STXBP5L: variants seen among roughly 807,000 people sequenced by gnomAD.
STXBP5L encodes syntaxin binding protein 5L.
In STXBP5L, 65 loss-of-function variants were observed where a neutral mutation model predicts 144.5. The observed-to-expected ratio is 0.45, with a 90% CI of 0.37 to 0.55. The LOEUF is 0.55. Among genes scored for constraint, STXBP5L ranks in the 20% least tolerant of loss-of-function variants. STXBP5L has a pLI of 0.00. For missense variants in STXBP5L, 1,298 were observed against 1,405.5 expected, an observed-to-expected ratio of 0.92 and a Z score of 1.22; for synonymous variants, 505 against 469.6, an observed-to-expected ratio of 1.08 and a Z score of -0.97.
intron 3 of STXBP5L, among the ~76,000 whole-genome samples, chr3:121,025,431 T>A (rs914991438): frequency 6.6e-6 from 1 of 152,218 alleles, no homozygotes; most frequent in East Asian, 1.9e-4. Flanking sequence ...ATAAATATTA[T>A]AATGCAAATA....
intron 5 of STXBP5L, among the ~76,000 whole-genome samples, chr3:121,079,933 C>CAAT (rs1390147409): frequency 1.3e-5 from 2 of 152,118 alleles, no homozygotes; most frequent in Non-Finnish European, 2.9e-5. Context: ...TGAAGTGCCC[C>CAAT]ACTATTATTG....
intron 9 of STXBP5L, among the ~76,000 whole-genome samples, chr3:121,197,047 CCT>C (rs1318296067): frequency 6.6e-6 from 1 of 151,866 alleles, no homozygotes; most frequent in African/African-American, 2.4e-5. Flanking sequence ...TATAAATTTT[CCT>C]CTCAGCATTG....
intron 9 of STXBP5L, among the ~76,000 whole-genome samples, chr3:121,200,167 A>T (rs2048084643): frequency 6.6e-6 from 1 of 152,136 alleles, no homozygotes; most frequent in Admixed American, 6.5e-5. Context: ...AGAGCTTGTT[A>T]TTGGTACATT....
chr3:121,358,442 A>T (rs1263295602), intron 20 of STXBP5L, among the ~76,000 whole-genome samples: 2 of 152,174 alleles, frequency 1.3e-5, no homozygotes. Context: ...GAAGCGAGGC[A>T]TGTCTTCTCA....
chr3:121,013,970 G>GC, intron 3 of STXBP5L, among the ~76,000 whole-genome samples: 3 of 151,996 alleles, frequency 2.0e-5, no homozygotes, highest in Admixed American at 2.0e-4. Context: ...TTATTTCTGG[G>GC]CTCTCTCTTC....
intron 11 of STXBP5L, among the ~76,000 whole-genome samples, chr3:121,224,081 G>A (rs1039760796): frequency 2.0e-5 from 3 of 152,100 alleles, no homozygotes; most frequent in Non-Finnish European, 4.4e-5. Context: ...AAGAGAAAGA[G>A]CACTGGACTT....
At chr3:121,199,802 T>G (rs567551345) in intron 9 of STXBP5L, among the ~76,000 whole-genome samples, 1 of 152,172 alleles carries the variant, frequency 6.6e-6, no homozygotes, top group Non-Finnish European at 1.5e-5. Context: ...CTTGTGTATG[T>G]TGAGCTAGCC....
chr3:121,004,880 C>G (rs1036926834), intron 3 of STXBP5L, among the ~76,000 whole-genome samples: 1 of 152,146 alleles, frequency 6.6e-6, no homozygotes, highest in African/African-American at 2.4e-5. Flanking sequence ...TTGAACCAGC[C>G]TTGCATCCCA....
intron 2 of STXBP5L, among the ~76,000 whole-genome samples, chr3:120,916,150 T>G (rs1709090136): frequency 6.6e-6 from 1 of 152,174 alleles, no homozygotes; most frequent in Non-Finnish European, 1.5e-5. Context: ...TGAGTTTTAT[T>G]GGAAGCCCAA....
At chr3:121,371,906 G>T (rs1012200894) in intron 20 of STXBP5L, among the ~76,000 whole-genome samples, 1 of 152,232 alleles carries the variant, frequency 6.6e-6, no homozygotes, top group Non-Finnish European at 1.5e-5. Flanking sequence ...GCTGGGAGAA[G>T]TGGGACAAGG....
chr3:121,043,313 G>T (rs1021293421), intron 4 of STXBP5L, among the ~76,000 whole-genome samples: 1 of 152,058 alleles, frequency 6.6e-6, no homozygotes. Flanking sequence ...AGACACTGTG[G>T]TGTTCTGCTT....
At chr3:121,125,530 A>G (rs932859016) in intron 7 of STXBP5L, among the ~76,000 whole-genome samples, 1 of 152,118 alleles carries the variant, frequency 6.6e-6, no homozygotes, top group Middle Eastern at 3.4e-3. Flanking sequence ...CCCCCAATAT[A>G]TCATTTATAA....
At chr3:121,010,434 T>C (rs1257127782) in intron 3 of STXBP5L, among the ~76,000 whole-genome samples, 1 of 151,740 alleles carries the variant, frequency 6.6e-6, no homozygotes. Flanking sequence ...TATTCCAGAA[T>C]TCTGTTTTTT....
intron 5 of STXBP5L, among the ~76,000 whole-genome samples, chr3:121,048,688 C>CT (rs11444329): frequency 0.32 from 44,532 of 141,004 alleles, 6,992 homozygotes; most frequent in Admixed American, 0.43. Context: ...CAGTTAGAGT[C>CT]TTTTTTTTTT....
intron 20 of STXBP5L, among the ~76,000 whole-genome samples, chr3:121,371,712 T>A (rs901244690): frequency 6.6e-6 from 1 of 152,076 alleles, no homozygotes; most frequent in Non-Finnish European, 1.5e-5. Context: ...CACCGGTGGG[T>A]GCTGTGTGTG....
chr3:121,234,272 G>A (rs948491804), intron 12 of STXBP5L, among the ~76,000 whole-genome samples: 4 of 151,622 alleles, frequency 2.6e-5, no homozygotes, highest in African/African-American at 2.4e-5. Context: ...TATGTTCTTC[G>A]CCCACTGATC....
intron 19 of STXBP5L, among the ~76,000 whole-genome samples, chr3:121,301,623 C>T (rs180770714): frequency 4.6e-5 from 7 of 152,224 alleles, no homozygotes; most frequent in Admixed American, 1.3e-4. Context: ...TGTCTTGTGC[C>T]GGTTTTCACA....
intron 5 of STXBP5L, among the ~76,000 whole-genome samples, chr3:121,059,151 A>G (rs185226816): frequency 1.3e-5 from 2 of 152,210 alleles, no homozygotes; most frequent in Admixed American, 6.5e-5. Flanking sequence ...ATCTTTGTAT[A>G]AGGTGTAAGG....
In STXBP5L at chr3:121,045,428, G is replaced by T. The variant is rs950269776; in HGVS notation, c.370-7G>T. The T allele has an allele frequency of 1.3e-6, 2 of 1,594,592 alleles. No individual in the cohort carries two copies. Among genetic ancestry groups the T allele is most frequent in the South Asian group, 1.2e-5 (1 of 86,350 alleles). On this transcript the variant is annotated splice_region_variant and splice_polypyrimidine_tract_variant and intron_variant, in intron 4 of 26. Transcript: ENST00000471454. ...CACACACTTACTTTATCTTCTTTTTGTTCTAGGGTGCCTTGGTCAGTGCAA... is the reference window on the plus strand; with the variant it reads ...CACACACTTACTTTATCTTCTTTTTTTTCTAGGGTGCCTTGGTCAGTGCAA...
Sources: allele counts gnomAD v4.1 joint callset (sites outside exome capture counted in the v4.1 genomes callset), GRCh38; gene constraint gnomAD v4.1.1; transcripts MANE v1.5; gene names NCBI Gene and HGNC (gene_info 2026-07-23, HGNC 2026-07-21).